ARL5C: variants seen among roughly 807,000 people sequenced by gnomAD.
The protein encoded by ARL5C is ARF like GTPase 5C.
Under a neutral mutation model 20.8 loss-of-function variants are expected in ARL5C, and 21 were observed. The observed-to-expected ratio is 1.01, with a 90% CI of 0.72 to 1.46. ARL5C has a LOEUF of 1.46. ARL5C is among the 40% of genes most tolerant of loss of function. The probability of loss-of-function intolerance (pLI) is 0.00; values close to 1 mark genes in which losing one functional copy is unlikely to be tolerated. For missense variants in ARL5C, 199 were observed against 225.1 expected (o/e 0.88, Z 0.74); for synonymous variants, 71 against 81.6 (o/e 0.87, Z 0.70).
At chr17:39,156,804 C>G, downstream of ARL5C, 3 of 1,449,788 alleles carry the variant, frequency 2.1e-6, no homozygotes, top group Non-Finnish European at 2.8e-6. Flanking sequence ...CACTAGAGAA[C>G]CATAGAAAAG....
Position 39,161,335 on chromosome 17 carries a change from A to G in ARL5C, c.272T>C (p.Ile91Thr), listed in dbSNP as rs1165561289. The G allele has an allele frequency of 1.3e-5, 20 of 1,551,846 alleles. No homozygotes were observed. Among genetic ancestry groups the G allele is most frequent in the Middle Eastern group, 1.7e-4 (1 of 6,016 alleles). ...YSNTEFIILV[I>T]DSTDRDRLLT... is the part of the protein sequence containing the mutation. ...CAGCCGATCCCGGTCCGTGCTGTCAATCACAAGGATGATAAACTGGGCAGC... is the reference window on the plus strand; with the variant it reads ...CAGCCGATCCCGGTCCGTGCTGTCAGTCACAAGGATGATAAACTGGGCAGC... The change falls in exon 4 of 6, where the codon ATT (isoleucine) becomes ACT (threonine). Residue 91 changes from isoleucine to threonine, a missense_variant. Transcript: ENST00000269586.
At chr17:39,158,635 C>A (rs901374868) in intron 5 of ARL5C, among the ~76,000 whole-genome samples, 19 of 151,348 alleles carry the variant, frequency 1.3e-4, no homozygotes, top group Admixed American at 1.3e-3. Context: ...AAAAAAGATA[C>A]CTGTGTGCCC....
chr17:39,163,954 A>C (rs2045450358), intron 2 of ARL5C: 1 of 151,386 alleles, frequency 6.6e-6, no homozygotes, highest in Admixed American at 6.6e-5. Flanking sequence ...TTTAGTAGAG[A>C]TGGGGTTTCG....
At position 39,160,338 on chromosome 17, in the gene ARL5C, A is replaced by AAAG. The variant is rs1555575872; in HGVS notation, c.491+252_491+253insCTT. The stretch of plus-strand genomic sequence containing the variant: ...AAACTCTGTCTCAAAAAAAAAAAAA[A>AAAG]AGAGAGAGAGATTATTGCATTTAGG... On this transcript the variant is annotated intron_variant, in intron 5 of 5. Transcript: ENST00000269586. 1.2e-3 allele frequency: 465 copies of AAAG among 392,614 alleles called. 1 individual carries two copies. Among genetic ancestry groups the AAAG allele is most frequent in the African/African-American group, 9.2e-3 (425 of 46,412 alleles). The allele number at this position is 392,614 out of a possible 1,614,324, so 24.3% of individuals were successfully genotyped here.
In ARL5C at chr17:39,166,096, A is replaced by C; in HGVS notation, c.-336T>G. On this transcript the variant is annotated 5_prime_UTR_variant, in exon 1 of 6. It removes the in-frame stop codon of an upstream open reading frame in the 5' UTR. Coordinates refer to ENST00000269586, the MANE Select transcript of ARL5C (RefSeq NM_001143968.1). ...CACTACCGCAAATCAGGGGAGACTC[A>C]GCACTGCGCGCGGAACCGGATCCCA... is the stretch of plus-strand genomic sequence containing the variant. The C allele has an allele frequency of 2.9e-6, 1 of 350,332 alleles. No individual in the cohort carries two copies. Among genetic ancestry groups the C allele is most frequent in the Non-Finnish European group, 5.4e-6 (1 of 184,864 alleles). 21.7% of individuals were successfully genotyped at this position (350,332 alleles called of 1,614,324 possible).
chr17:39,157,014 G>A, intron 5 of ARL5C, 72 bp from the exon 6 acceptor site: 3 of 1,514,816 alleles, frequency 2.0e-6, no homozygotes, highest in Non-Finnish European at 2.7e-6. Flanking sequence ...TCCAGCCCTT[G>A]CCCAGATCGG....
At position 39,160,680 on chromosome 17, in the gene ARL5C, C is replaced by T. The variant is rs1270872154; in HGVS notation, c.402G>A (p.Arg134=). Residue 134 remains arginine (R), a synonymous_variant, in exon 5 of 6, where the codon AGG becomes AGA. Coordinates refer to ENST00000269586, the MANE Select transcript of ARL5C (RefSeq NM_001143968.1). ...TAAGGAAATGGGAGATCTCCACCAT[C>T]CTCATGGAGTCCTTCACGTCCTGCT... ...ANKQDVKDSM[R]MVEISHFLTL... 1 of 1,551,786 alleles carries T rather than the reference C, an allele frequency of 6.4e-7. No individual in the cohort carries two copies. Among genetic ancestry groups the T allele is most frequent in the African/African-American group, 1.4e-5 (1 of 73,058 alleles).
chr17:39,163,475 T>G (rs1786552517), intron 2 of ARL5C, among the ~76,000 whole-genome samples: 1 of 150,752 alleles, frequency 6.6e-6, no homozygotes, highest in Non-Finnish European at 1.5e-5. Context: ...GTAGGTACGA[T>G]CATGTCTCCC....
intron 1 of ARL5C, chr17:39,165,496 G>A: frequency 1.6e-6 from 1 of 613,864 alleles, no homozygotes; most frequent in Admixed American, 3.0e-5. Context: ...CGGGGAGAAA[G>A]GAGGGTCGCC....
In ARL5C at chr17:39,160,759, C is replaced by A; in HGVS notation, c.340-17G>T. The A allele has an allele frequency of 1.3e-6, 2 of 1,550,022 alleles. No individual in the cohort carries two copies. Among genetic ancestry groups the A allele is most frequent in the Non-Finnish European group, 1.7e-6 (2 of 1,146,616 alleles). On this transcript the variant is annotated splice_polypyrimidine_tract_variant and intron_variant, in intron 4 of 5. Coordinates refer to ENST00000269586, the MANE Select transcript of ARL5C (RefSeq NM_001143968.1). ...CTGTAGAGCCTGTGGACAGAGGAGCCCAGCCCCAGTCAGCCTGCTAGTGCC... is the reference window on the plus strand; with the variant it reads ...CTGTAGAGCCTGTGGACAGAGGAGCACAGCCCCAGTCAGCCTGCTAGTGCC...
At chr17:39,160,345 A>C in intron 5 of ARL5C, 47 of 393,040 alleles carry the variant, frequency 1.2e-4, no homozygotes, top group East Asian at 1.9e-4. Flanking sequence ...AAAAAGAGAG[A>C]GAGATTATTG....
Position 39,165,966 on chromosome 17 carries a change from G to A in ARL5C, c.-206C>T. 1 of 600,684 alleles carries A rather than the reference G, an allele frequency of 1.7e-6. No homozygotes were observed. Among genetic ancestry groups the A allele is most frequent in the South Asian group, 2.0e-5 (1 of 50,190 alleles). The allele number at this position is 600,684 out of a possible 1,614,324, so 37.2% of individuals were successfully genotyped here. A position where few individuals can be genotyped will look rare whatever the true frequency, so the allele number is the denominator to read the frequency against. On this transcript the variant is annotated 5_prime_UTR_variant, in exon 1 of 6. Transcript: ENST00000269586. ...CACTATGGACACCCCAGTGACTAAG[G>A]GCTGCCTGTCCCGGGCCCAAGAGGT...
intron 2 of ARL5C, 64 bp downstream of exon 2, chr17:39,165,014 TC>T (rs2045455574): frequency 1.3e-6 from 2 of 1,497,554 alleles, no homozygotes; most frequent in Admixed American, 3.9e-5. Flanking sequence ...CAGTGATTGG[TC>T]CCCCTGCCTG....
At chr17:39,163,345 C>CCTTTCTTT (rs57401429) in intron 2 of ARL5C, among the ~76,000 whole-genome samples, 20,981 of 136,636 alleles carry the variant, frequency 0.15, 1,870 homozygotes, top group Non-Finnish European at 0.18. Context: ...CAGGCTTTTG[C>CCTTTCTTT]CTTTCTTTCT....
intron 4 of ARL5C, among the ~76,000 whole-genome samples, 178 bp downstream of exon 4, chr17:39,161,090 C>G (rs1381431237): frequency 1.3e-5 from 2 of 152,194 alleles, no homozygotes; most frequent in Non-Finnish European, 2.9e-5. Context: ...CTTCTATAGT[C>G]AATTGCACTG....
chr17:39,161,485 G>T (rs931367418), intron 3 of ARL5C, 134 bp from the exon 4 acceptor site: 9 of 724,346 alleles, frequency 1.2e-5, no homozygotes, highest in African/African-American at 1.1e-4. Context: ...GCAGCCTCAA[G>T]ATTTCACCAC....
chr17:39,162,984 C>T, intron 2 of ARL5C, 126 bp from the exon 3 acceptor site: 1 of 1,176,096 alleles, frequency 8.5e-7, no homozygotes, highest in Non-Finnish European at 1.2e-6. Flanking sequence ...TCACCAAACA[C>T]CTGCTCGGAG....
At chr17:39,164,539 A>G (rs904166797) in intron 2 of ARL5C, among the ~76,000 whole-genome samples, 8 of 152,192 alleles carry the variant, frequency 5.3e-5, no homozygotes. Flanking sequence ...TACATGTATT[A>G]CTTTTTCATG....
rs764166060 is a variant in ARL5C, at chr17:39,160,596, C to T, written c.486G>A (p.Arg162=). 1.9e-5 allele frequency: 30 copies of T among 1,551,686 alleles called. 1 individual carries two copies. In the South Asian group the frequency reaches 3.3e-4, roughly 17 times the overall value. ...WHIQGCCALT[R]EGLPARLQWM... ...CAGGTAGGGCAGCCACTAACCCTTC[C>T]CTGGTGAGGGCACAGCAGCCTTGTA... The change falls in exon 5 of 6, where the codon AGG becomes AGA. Residue 162 remains arginine, a synonymous_variant. Transcript: ENST00000269586.
Sources: allele counts gnomAD v4.1 joint callset (sites outside exome capture counted in the v4.1 genomes callset), GRCh38; gene constraint gnomAD v4.1.1; transcripts MANE v1.5; gene names NCBI Gene and HGNC (gene_info 2026-07-23, HGNC 2026-07-21).